The following MCF2L2 variants were observed in gnomAD, a reference collection of about 807,000 sequenced individuals.
The protein encoded by MCF2L2 is probable guanine nucleotide exchange factor MCF2L2.
Under a neutral mutation model 150.2 loss-of-function variants are expected in MCF2L2, and 102 were observed. The ratio of observed to expected loss-of-function variants is 0.68; its 90% CI spans 0.58 to 0.80. MCF2L2 has a LOEUF of 0.80. Ranked by LOEUF, MCF2L2 falls within the 30% of genes least tolerant of loss-of-function variation. MCF2L2 has a pLI of 0.00. For missense variants in MCF2L2, 1,256 were observed against 1,372.8 expected (o/e 0.91, Z 1.34); for synonymous variants, 465 against 491.3 (o/e 0.95, Z 0.71).
chr3:183,211,622 A>T (rs1016697105), intron 22 of MCF2L2, among the ~76,000 whole-genome samples: 13 of 152,214 alleles, frequency 8.5e-5, no homozygotes, highest in Non-Finnish European at 1.8e-4. Flanking sequence ...AGCAAGAATG[A>T]CCTTTTCCGT....
intron 15 of MCF2L2, among the ~76,000 whole-genome samples, chr3:183,274,336 G>T (rs941263085): frequency 2.0e-5 from 3 of 152,160 alleles, no homozygotes; most frequent in African/African-American, 7.2e-5. Context: ...ATTTGAAAAG[G>T]TTACGTTTTC....
At chr3:183,193,353 C>CTTTT (rs1270176096) in intron 26 of MCF2L2, among the ~76,000 whole-genome samples, 1 of 109,356 alleles carries the variant, frequency 9.1e-6, no homozygotes, top group South Asian at 2.7e-4. Flanking sequence ...TTTTCTTTTT[C>CTTTT]TTTCTTTTTT....
intron 15 of MCF2L2, among the ~76,000 whole-genome samples, chr3:183,231,707 C>A (rs1723567295): frequency 1.3e-5 from 2 of 151,996 alleles, no homozygotes; most frequent in Admixed American, 1.3e-4. Flanking sequence ...AATCCTCCTG[C>A]CTTTGCCTCC....
intron 15 of MCF2L2, among the ~76,000 whole-genome samples, chr3:183,257,958 C>CTTTTTTTTT (rs35323502): frequency 0.024 from 1,556 of 64,754 alleles, 347 homozygotes; most frequent in African/African-American, 0.072. Flanking sequence ...CCACTTCACC[C>CTTTTTTTTT]TTTTTTTTTT....
At position 183,305,968 on chromosome 3, in the gene MCF2L2, T is replaced by C. The variant is rs1729076794; in HGVS notation, c.1113+3748A>G. ...ACCACTGACTACTGACCACCAACCA[T>C]ATTGCAAGCTGACCACATGAAGTCC... On this transcript the variant is annotated intron_variant, in intron 10 of 29. Transcript: ENST00000328913. This position sits in a 1 kb window ranked among gnomAD's most constrained non-coding sequence, Gnocchi z 4.1. 6.6e-6 allele frequency among the ~76,000 whole-genome samples: 1 copy of C among 152,200 alleles called. No individual in the cohort carries two copies. Among genetic ancestry groups the C allele is most frequent in the South Asian group, 2.1e-4 (1 of 4,832 alleles).
chr3:183,347,392 T>C (rs984827098), intron 3 of MCF2L2, among the ~76,000 whole-genome samples: 1 of 152,242 alleles, frequency 6.6e-6, no homozygotes, highest in Non-Finnish European at 1.5e-5. Flanking sequence ...TTACAACTTA[T>C]ACAAAAATTA....
intron 14 of MCF2L2, among the ~76,000 whole-genome samples, chr3:183,284,975 A>T (rs116336615): frequency 0.02 from 3,019 of 152,326 alleles, 59 homozygotes; most frequent in East Asian, 0.052. Context: ...TTTATATTCA[A>T]ATAGTTTTCT....
At chr3:183,190,647 G>T (rs1362533940) in intron 27 of MCF2L2, among the ~76,000 whole-genome samples, 1 of 152,184 alleles carries the variant, frequency 6.6e-6, no homozygotes, top group African/African-American at 2.4e-5. Context: ...TAAGCCATTG[G>T]TGGGCCATAA....
rs559721071 is a variant in MCF2L2 at position 183,222,333 on chromosome 3, C to T, written c.2301+1013G>A. On this transcript the variant is annotated intron_variant, in intron 20 of 29. Transcript: ENST00000328913. ...TTGGGAGGCTGAGGTGGGCAGATCA[C>T]GAGGTCAGGAGTTCAAGACCAGCCT... 3.2e-4 allele frequency among the ~76,000 whole-genome samples: 48 copies of T among 152,120 alleles called. No homozygotes were observed. In the South Asian group the frequency reaches 3.5e-3, roughly 11 times the overall value.
At chr3:183,298,788 C>CACACACACACACACAT (rs1728688865) in intron 11 of MCF2L2, 1 of 152,332 alleles carries the variant, frequency 6.6e-6, no homozygotes, top group Non-Finnish European at 1.5e-5. Flanking sequence ...CACACACACA[C>CACACACACACACACAT]ACACACCAGG....
chr3:183,382,147 C>T (rs993323096), intron 2 of MCF2L2, among the ~76,000 whole-genome samples: 1 of 152,070 alleles, frequency 6.6e-6, no homozygotes, highest in Non-Finnish European at 1.5e-5. Flanking sequence ...CAACCTCCGC[C>T]TCCCAGGTTC....
rs568228622 is a variant in MCF2L2, at chr3:183,302,809, G to A, written c.1114-2613C>T. 5.6e-4 allele frequency among the ~76,000 whole-genome samples: 79 copies of A among 141,234 alleles called. 2 individuals carry two copies. In the South Asian group the frequency reaches 5.9e-3, roughly 11 times the overall value. 92.7% of individuals were successfully genotyped at this position (141,234 alleles called of 152,430 possible). The stretch of plus-strand genomic sequence containing the variant: ...TTAAGTCATTCTCTACAACCTATTC[G>A]CCCAGTCACCTAGGCCCTCTCCCAC... On this transcript the variant is annotated intron_variant, in intron 10 of 29. Coordinates refer to ENST00000328913, the MANE Select transcript of MCF2L2 (RefSeq NM_015078.4).
intron 15 of MCF2L2, among the ~76,000 whole-genome samples, chr3:183,245,563 C>G (rs1175135067): frequency 1.3e-5 from 2 of 152,076 alleles, no homozygotes; most frequent in African/African-American, 2.4e-5. Context: ...GGGCAGATAC[C>G]CTTCCAGGAA....
rs983703431 is a variant in MCF2L2, at chr3:183,318,211, C to T, written c.610G>A (p.Glu204Lys). ...GTCTTCAAGGTCAAGGCAAAGTTTTCGATGGCCTGGAAGGTCAGACAATTG... is the reference window on the plus strand; with the variant it reads ...GTCTTCAAGGTCAAGGCAAAGTTTTTGATGGCCTGGAAGGTCAGACAATTG... The part of the protein sequence containing the change: ...GQWVNHRTAI[E>K]NFALTLKTTA... Residue 204 changes from glutamate (E) to lysine (K), a missense_variant, in exon 7 of 30, where the codon GAA (glutamate) becomes AAA (lysine). Glu to Lys is a moderately conservative substitution (Grantham distance 56). Coordinates refer to ENST00000328913, the MANE Select transcript of MCF2L2 (RefSeq NM_015078.4). 7.4e-6 allele frequency: 12 copies of T among 1,614,012 alleles called. No homozygotes were observed. Among genetic ancestry groups the T allele is most frequent in the East Asian group, 2.2e-5 (1 of 44,890 alleles).
chr3:183,215,870 C>T, intron 22 of MCF2L2, 99 bp downstream of exon 22: 1 of 1,421,160 alleles, frequency 7.0e-7, no homozygotes, highest in Non-Finnish European at 9.4e-7. Context: ...AATTCCTTTA[C>T]CATAGACGAT....
At chr3:183,294,951 ATGGGTTTCAACATGT>A (rs1279289628) in intron 13 of MCF2L2, among the ~76,000 whole-genome samples, 6 of 150,752 alleles carry the variant, frequency 4.0e-5, no homozygotes, top group Non-Finnish European at 7.4e-5. Context: ...TTTAGTAGAG[ATGGGTTTCAACATGT>A]TGGCCAGGCT....
chr3:183,311,842 G>A, intron 7 of MCF2L2, 70 bp from the exon 8 acceptor site: 1 of 1,365,958 alleles, frequency 7.3e-7, no homozygotes, highest in Non-Finnish European at 1.0e-6. Context: ...TTGAGGTGAA[G>A]AGAATAGTAG....
At chr3:183,260,006 C>T (rs538613539) in intron 15 of MCF2L2, among the ~76,000 whole-genome samples, 1 of 152,284 alleles carries the variant, frequency 6.6e-6, no homozygotes, top group East Asian at 1.9e-4. Flanking sequence ...TGACCCTGCC[C>T]ACCTCCTCCC....
intron 21 of MCF2L2, among the ~76,000 whole-genome samples, chr3:183,217,784 C>T (rs946438512): frequency 2.0e-5 from 3 of 152,284 alleles, no homozygotes; most frequent in Non-Finnish European, 2.9e-5. Flanking sequence ...GATAAGCCAG[C>T]GCTCTGCACC....
Sources: allele counts gnomAD v4.1 joint callset (sites outside exome capture counted in the v4.1 genomes callset), GRCh38; gene constraint gnomAD v4.1.1; non-coding constraint Gnocchi (gnomAD v3.1); transcripts MANE v1.5; gene names NCBI Gene and HGNC (gene_info 2026-07-23, HGNC 2026-07-21).